LARGE1: variants seen among roughly 807,000 people sequenced by gnomAD.
The protein encoded by LARGE1 is LARGE xylosyl- and glucuronyltransferase 1.
Under a neutral mutation model 87.6 loss-of-function variants are expected in LARGE1, and 43 were observed. The observed-to-expected ratio is 0.49, with a 90% CI of 0.38 to 0.63. The LOEUF (loss-of-function observed/expected upper bound fraction) is 0.63, where lower values mean the gene tolerates loss of function less well. Among genes scored for constraint, LARGE1 ranks in the 30% least tolerant of loss-of-function variants. The pLI is 0.00. For synonymous variants in LARGE1, 434 were observed against 394.6 expected (o/e 1.10, Z -1.18); for missense variants, 802 against 1,000.2 (o/e 0.80, Z 2.67).
At chr22:33,096,975 TG>T in the LARGE1 span, among the ~76,000 whole-genome samples, 1 of 152,236 alleles carries the variant, frequency 6.6e-6, no homozygotes, top group Non-Finnish European at 1.5e-5. Context: ...TGGGCAAGAC[TG>T]GGGAACCCCC....
chr22:33,736,200 T>G (rs2083650362), intron 2 of LARGE1, among the ~76,000 whole-genome samples: 2 of 152,328 alleles, frequency 1.3e-5, no homozygotes, highest in Admixed American at 6.5e-5. Context: ...ACATTTCACT[T>G]TTTTTGGAAT....
intron 6 of LARGE1, among the ~76,000 whole-genome samples, chr22:33,454,200 G>T (rs1322999017): frequency 6.6e-6 from 1 of 152,028 alleles, no homozygotes; most frequent in South Asian, 2.1e-4. Context: ...TTTCCAGGGG[G>T]TGCACGTACC....
chr22:33,156,173 C>T, the LARGE1 span, among the ~76,000 whole-genome samples: 3 of 152,202 alleles, frequency 2.0e-5, no homozygotes, highest in African/African-American at 7.2e-5. Flanking sequence ...AGTCCCCACA[C>T]AGAGTCCCTA....
chr22:33,558,391 A>C (rs965851721), intron 6 of LARGE1, among the ~76,000 whole-genome samples: 3 of 152,220 alleles, frequency 2.0e-5, no homozygotes, highest in Non-Finnish European at 4.4e-5. Context: ...ACTTAACCAC[A>C]GGAGAGAGGA....
At chr22:33,721,302 T>A (rs937373012) in intron 2 of LARGE1, among the ~76,000 whole-genome samples, 13 of 152,194 alleles carry the variant, frequency 8.5e-5, no homozygotes, top group African/African-American at 2.9e-4. Context: ...AAACACACAT[T>A]CCTTCTGAAT....
chr22:33,377,922 T>G (rs979648546), intron 9 of LARGE1, among the ~76,000 whole-genome samples: 10 of 152,252 alleles, frequency 6.6e-5, no homozygotes, highest in African/African-American at 2.4e-4. Flanking sequence ...TATTCATTTT[T>G]TGAGAATCTA....
At chr22:33,673,148 G>A (rs543227151) in intron 2 of LARGE1, among the ~76,000 whole-genome samples, 6 of 152,128 alleles carry the variant, frequency 3.9e-5, no homozygotes, top group African/African-American at 4.8e-5. Flanking sequence ...GGTGGCGGGC[G>A]CCTGTAATCC....
chr22:33,199,943 G>A (rs564697270), intron 11 of LARGE1, among the ~76,000 whole-genome samples: 66 of 151,730 alleles, frequency 4.3e-4, no homozygotes, highest in African/African-American at 1.5e-3. Context: ...TCTGCCTCCC[G>A]GGTTCAAGCA....
At chr22:33,695,988 T>A (rs1265103133) in intron 2 of LARGE1, among the ~76,000 whole-genome samples, 1 of 152,236 alleles carries the variant, frequency 6.6e-6, no homozygotes, top group Non-Finnish European at 1.5e-5. Context: ...CTGAAGTATA[T>A]ACTCTTTGGG....
intron 11 of LARGE1, among the ~76,000 whole-genome samples, chr22:33,312,255 A>C (rs1349133822): frequency 6.6e-6 from 1 of 152,134 alleles, no homozygotes; most frequent in East Asian, 1.9e-4. Context: ...CATGCTGGCC[A>C]ACATGGTGAA....
chr22:33,576,777 C>A (rs1329998578), intron 5 of LARGE1, among the ~76,000 whole-genome samples: 3 of 152,110 alleles, frequency 2.0e-5, no homozygotes, highest in African/African-American at 7.2e-5. Context: ...ATAGGTATAT[C>A]CTCCCATATA....
intron 11 of LARGE1, among the ~76,000 whole-genome samples, chr22:33,229,448 T>C (rs1325305871): frequency 3.9e-5 from 6 of 151,918 alleles, no homozygotes; most frequent in Non-Finnish European, 8.8e-5. Flanking sequence ...AAAAATAATA[T>C]GAATATTTTA....
chr22:33,690,743 G>C (rs930571334), intron 2 of LARGE1, among the ~76,000 whole-genome samples: 13 of 151,810 alleles, frequency 8.6e-5, no homozygotes, highest in Non-Finnish European at 1.3e-4. Context: ...GTGGAGGCTG[G>C]CTTGGGGGCT....
intron 11 of LARGE1, among the ~76,000 whole-genome samples, chr22:33,198,729 T>C (rs1031966124): frequency 6.6e-6 from 1 of 152,052 alleles, no homozygotes; most frequent in African/African-American, 2.4e-5. Context: ...TATAGAACAT[T>C]GTCTTCATCC....
chr22:33,151,822 T>C, the LARGE1 span, among the ~76,000 whole-genome samples: 1 of 152,202 alleles, frequency 6.6e-6, no homozygotes, highest in Non-Finnish European at 1.5e-5. Context: ...ATTGTTGAAT[T>C]TCTTTTGCTA....
chr22:33,152,124 G>A, the LARGE1 span, among the ~76,000 whole-genome samples: 4 of 152,146 alleles, frequency 2.6e-5, no homozygotes, highest in East Asian at 1.9e-4. Context: ...AGGCATTTAC[G>A]CATTCCTAGC....
chr22:33,548,226 G>A (rs1196177910), intron 6 of LARGE1, among the ~76,000 whole-genome samples: 1 of 152,124 alleles, frequency 6.6e-6, no homozygotes, highest in East Asian at 1.9e-4. Context: ...AAAATGTGTG[G>A]CACCTTCCCC....
intron 2 of LARGE1, among the ~76,000 whole-genome samples, chr22:33,714,112 C>T (rs1009963199): frequency 1.3e-5 from 2 of 152,036 alleles, no homozygotes; most frequent in African/African-American, 2.4e-5. Context: ...TGACTCCTGC[C>T]CTCCTACCAA....
rs759896108 is a variant in LARGE1, at chr22:33,432,205, T to C, written c.848A>G (p.Lys283Arg). 6.2e-7 allele frequency: 1 copy of C among 1,614,186 alleles called. No individual in the cohort carries two copies. Among genetic ancestry groups the C allele is most frequent in the South Asian group, 1.1e-5 (1 of 91,078 alleles). ...AAGGGCTGGCCATGGGCGGTGATTT[T>C]TCCACAGGTTTCCAAGGTACCAGTC... Reference protein sequence around the residue: ...QSDWYLGNLWKNHRPWPALGR... With the variant: ...QSDWYLGNLWRNHRPWPALGR... The change falls in exon 7 of 15, where the codon AAA (lysine) becomes AGA (arginine). Residue 283 changes from lysine (K) to arginine (R), a missense_variant. This residue lies in a region of LARGE1 where 625 missense variants were observed against 841.9 expected (regional missense o/e 0.74). Coordinates refer to ENST00000397394, the MANE Select transcript of LARGE1 (RefSeq NM_133642.5).
Sources: gnomAD v4.1 joint callset for allele counts (sites outside exome capture counted in the v4.1 genomes callset) on GRCh38, gnomAD v4.1.1 for gene constraint, gnomAD v4.1.1 regional missense constraint, MANE v1.5 for transcripts, NCBI Gene and HGNC (gene_info 2026-07-23, HGNC 2026-07-21) for gene names.